The following ATAD2B variants were observed in gnomAD, a reference collection of about 807,000 sequenced individuals.
ATAD2B encodes the protein ATPase family AAA domain containing 2B.
ATAD2B carries 40 observed loss-of-function variants against 167.6 expected under a neutral mutation model. The ratio of observed to expected loss-of-function variants is 0.24; its 90% CI spans 0.19 to 0.31. The LOEUF (loss-of-function observed/expected upper bound fraction) is 0.31, where lower values mean the gene tolerates loss of function less well. Among genes scored for constraint, ATAD2B ranks in the 10% least tolerant of loss-of-function variants. The pLI is 1.00. For missense variants in ATAD2B, 1,242 were observed against 1,757.2 expected (o/e 0.71, Z 5.24); for synonymous variants, 579 against 596.5 (o/e 0.97, Z 0.43).
At position 23,752,034 on chromosome 2, in the gene ATAD2B, A is replaced by T; in HGVS notation, c.*12T>A. The T allele has an allele frequency of 4.5e-6, 7 of 1,556,088 alleles. No homozygotes were observed. Among genetic ancestry groups the T allele is most frequent in the Non-Finnish European group, 6.1e-6 (7 of 1,145,846 alleles). ...GCAGATTGGAGAGGATAAACCACTC[A>T]TCTTGAAAAGTTCATAGGAATGTCT... On this transcript the variant is annotated 3_prime_UTR_variant, in exon 28 of 28. Transcript: ENST00000238789.
chr2:23,780,466 G>A (rs1341555289), intron 22 of ATAD2B, among the ~76,000 whole-genome samples: 1 of 152,112 alleles, frequency 6.6e-6, no homozygotes, highest in African/African-American at 2.4e-5. Context: ...AACAACTGCA[G>A]TTTTTGCAAT....
In ATAD2B at chr2:23,754,723, G is replaced by A. The variant is rs746342974; in HGVS notation, c.4130C>T (p.Thr1377Met). ...TTCTGGAACCAGTTCCAGGCTTGTC[G>A]TTTTTGCCTGCTCTAAAATTAATTT... ...YRKLILEQAK[T>M]TSLELVPEEP... The change falls in exon 26 of 28, where the codon ACG (threonine) becomes ATG (methionine). Residue 1377 changes from threonine (T) to methionine (M), a missense_variant. Thr to Met is a moderately conservative substitution (Grantham distance 81). Around this residue, in one of 9 missense-constraint regions of ATAD2B, gnomAD observed 282 missense variants for 346.8 expected, o/e 0.81. Coordinates refer to ENST00000238789, the MANE Select transcript of ATAD2B (RefSeq NM_017552.4). The A allele has an allele frequency of 6.0e-5, 97 of 1,612,664 alleles. 1 individual carries two copies. In the East Asian group the frequency reaches 8.5e-4, roughly 14 times the overall value.
the ATAD2B span, among the ~76,000 whole-genome samples, chr2:23,743,135 T>C: frequency 6.9e-6 from 1 of 145,506 alleles, no homozygotes; most frequent in Non-Finnish European, 1.5e-5. Context: ...GTGAAGGATG[T>C]TCGCCCAAAA....
At chr2:23,724,333 G>T in the ATAD2B span, among the ~76,000 whole-genome samples, 1 of 152,116 alleles carries the variant, frequency 6.6e-6, no homozygotes, top group Non-Finnish European at 1.5e-5. Flanking sequence ...ACCCTGATCT[G>T]ATCACCATAC....
At chr2:23,733,550 C>G in the ATAD2B span, among the ~76,000 whole-genome samples, 41 of 152,212 alleles carry the variant, frequency 2.7e-4, no homozygotes, top group African/African-American at 9.2e-4. Flanking sequence ...AGTTCTGAAC[C>G]CTCTTCAAGC....
At chr2:23,715,486 A>G in the ATAD2B span, among the ~76,000 whole-genome samples, 16 of 152,110 alleles carry the variant, frequency 1.1e-4, no homozygotes, top group Non-Finnish European at 1.9e-4. Context: ...AGGCAGGAGA[A>G]TGGCGTGAAC....
intron 4 of ATAD2B, among the ~76,000 whole-genome samples, chr2:23,887,630 G>C (rs143085317): frequency 6.6e-6 from 1 of 152,282 alleles, no homozygotes; most frequent in East Asian, 1.9e-4. Flanking sequence ...TCACTGACTA[G>C]CTAAGAGACT....
chr2:23,755,285 G>C (rs1675817393), intron 25 of ATAD2B, among the ~76,000 whole-genome samples: 1 of 152,062 alleles, frequency 6.6e-6, no homozygotes, highest in Non-Finnish European at 1.5e-5. Context: ...AATTGATTCA[G>C]AGTTTAACAT....
the ATAD2B span, chr2:23,703,682 A>G: frequency 2.5e-5 from 37 of 1,506,814 alleles, no homozygotes; most frequent in Non-Finnish European, 3.1e-5. Flanking sequence ...AGTCCAAGAC[A>G]AGCTGCCGTG....
At position 23,808,049 on chromosome 2, in the gene ATAD2B, ATAAG is replaced by A. The variant is rs1288538985; in HGVS notation, c.2454+2263_2454+2266del. Among the ~76,000 whole-genome samples the A allele has an allele frequency of 2.4e-3, 151 of 61,722 alleles. 1 individual carries two copies. The Middle Eastern group carries it at 0.029, about 12-fold the overall frequency. 40.5% of individuals were successfully genotyped at this position (61,722 alleles called of 152,430 possible). On this transcript the variant is annotated intron_variant, in intron 18 of 27. Transcript: ENST00000238789. ...TATTATATATGTAATTTATTTATAT[ATAAG>A]TAACTATAAATTATAATATATAAGT...
chr2:23,834,663 C>T (rs1689642654), intron 13 of ATAD2B, among the ~76,000 whole-genome samples: 1 of 151,746 alleles, frequency 6.6e-6, no homozygotes, highest in South Asian at 2.1e-4. Flanking sequence ...AAAAATATAA[C>T]CTAAGAATAT....
At chr2:23,856,403 G>C in intron 13 of ATAD2B, 2 of 358,474 alleles carry the variant, frequency 5.6e-6, no homozygotes, top group Non-Finnish European at 1.1e-5. Context: ...TTTGGATTTG[G>C]GATGCTCAAC....
intron 1 of ATAD2B, among the ~76,000 whole-genome samples, chr2:23,903,969 A>G (rs1459380199): frequency 2.0e-5 from 3 of 151,752 alleles, no homozygotes; most frequent in African/African-American, 7.3e-5. Flanking sequence ...GGTAGTGGTG[A>G]TGGTGGTGTG....
At chr2:23,856,420 C>G (rs936763873) in intron 13 of ATAD2B, 1 of 389,078 alleles carries the variant, frequency 2.6e-6, no homozygotes, top group Admixed American at 3.6e-5. Flanking sequence ...CAACCTGTAG[C>G]AGGTTGAGCA....
At chr2:23,841,647 G>A (rs887544767) in intron 13 of ATAD2B, among the ~76,000 whole-genome samples, 8 of 151,858 alleles carry the variant, frequency 5.3e-5, no homozygotes, top group Non-Finnish European at 1.0e-4. Flanking sequence ...TCCCGAGTAG[G>A]TGGGACCAGA....
chr2:23,857,520 AAAT>A lies in ATAD2B; in HGVS notation c.1480-20_1480-18del, dbSNP rs1307325689. On this transcript the variant is annotated intron_variant, in intron 12 of 27. Transcript: ENST00000238789. ...CAAATATGCCTAGTAAGAAGAAAAC[AAAT>A]AATATTTATTGTATTTGTTTTCATT... 8.7e-7 allele frequency: 1 copy of A among 1,150,230 alleles called. No homozygotes were observed. Among genetic ancestry groups the A allele is most frequent in the Non-Finnish European group, 1.2e-6 (1 of 843,346 alleles). 71.3% of individuals were successfully genotyped at this position (1,150,230 alleles called of 1,614,324 possible).
downstream of ATAD2B, among the ~76,000 whole-genome samples, chr2:23,744,764 G>C (rs1273883981): frequency 2.6e-5 from 4 of 152,096 alleles, no homozygotes; most frequent in Non-Finnish European, 5.9e-5. Flanking sequence ...TTAAAACACA[G>C]ACAGGATATT....
chr2:23,890,207 T>C (rs942626532), intron 2 of ATAD2B, among the ~76,000 whole-genome samples: 1 of 151,776 alleles, frequency 6.6e-6, no homozygotes, highest in Non-Finnish European at 1.5e-5. Context: ...AGAGCGAGAC[T>C]CCGTCTAAAA....
intron 18 of ATAD2B, among the ~76,000 whole-genome samples, chr2:23,803,270 T>C (rs919034887): frequency 4.6e-5 from 7 of 152,198 alleles, no homozygotes; most frequent in African/African-American, 1.2e-4. Flanking sequence ...GTTCTCATTC[T>C]CCTTCCAAAG....
Sources: allele counts gnomAD v4.1 joint callset (sites outside exome capture counted in the v4.1 genomes callset), GRCh38; gene constraint gnomAD v4.1.1; regional missense constraint gnomAD v4.1.1; transcripts MANE v1.5; gene names NCBI Gene and HGNC (gene_info 2026-07-23, HGNC 2026-07-21).